The following OTOGL variants were observed in gnomAD, a reference collection of about 807,000 sequenced individuals.
OTOGL encodes the protein otogelin-like protein.
Under a neutral mutation model 318.5 loss-of-function variants are expected in OTOGL, and 285 were observed. The ratio of observed to expected loss-of-function variants is 0.89; its 90% CI spans 0.81 to 0.99. The LOEUF (loss-of-function observed/expected upper bound fraction) is 0.99. OTOGL is among the 50% of genes least tolerant of loss of function. OTOGL has a pLI of 0.00. For missense variants in OTOGL, 2,899 were observed against 2,845.6 expected (o/e 1.02, Z -0.43); for synonymous variants, 987 against 936.5 (o/e 1.05, Z -0.99).
chr12:80,369,143 C>T (rs751877589), intron 55 of OTOGL, among the ~76,000 whole-genome samples: 3 of 151,924 alleles, frequency 2.0e-5, no homozygotes, highest in Non-Finnish European at 4.4e-5. Context: ...ATAAATTTAA[C>T]TCATGAATTT....
At chr12:80,216,397 T>C (rs1877722463) in intron 4 of OTOGL, among the ~76,000 whole-genome samples, 1 of 152,224 alleles carries the variant, frequency 6.6e-6, no homozygotes, top group Non-Finnish European at 1.5e-5. Flanking sequence ...TGGTGAAATA[T>C]AAGTGCTATT....
chr12:80,324,312 G>A (rs1887543354), intron 35 of OTOGL, among the ~76,000 whole-genome samples: 1 of 152,200 alleles, frequency 6.6e-6, no homozygotes, highest in African/African-American at 2.4e-5. Flanking sequence ...CACTGGCCAG[G>A]TGGATATCTG....
At chr12:80,145,161 G>T (rs570197864) in intron 1 of OTOGL, among the ~76,000 whole-genome samples, 5 of 151,082 alleles carry the variant, frequency 3.3e-5, no homozygotes, top group Non-Finnish European at 7.4e-5. Flanking sequence ...TATTGCCTAG[G>T]TTTTCTTCTA....
chr12:80,307,264 C>CT (rs1323923594), intron 29 of OTOGL, among the ~76,000 whole-genome samples: 2 of 151,484 alleles, frequency 1.3e-5, no homozygotes, highest in Non-Finnish European at 2.9e-5. Context: ...ACCTTTCCCC[C>CT]CTTTCTATTC....
intron 18 of OTOGL, among the ~76,000 whole-genome samples, chr12:80,259,998 T>C (rs895505654): frequency 6.6e-6 from 1 of 151,976 alleles, no homozygotes; most frequent in Non-Finnish European, 1.5e-5. Context: ...CTATGAAAAT[T>C]TATTGTTTAT....
chr12:80,157,186 A>G (rs1873181058), intron 1 of OTOGL, among the ~76,000 whole-genome samples: 1 of 152,122 alleles, frequency 6.6e-6, no homozygotes, highest in Non-Finnish European at 1.5e-5. Context: ...TCCTCTGATG[A>G]TCAATGATAT....
chr12:80,149,997 C>T (rs1487841646), intron 1 of OTOGL, among the ~76,000 whole-genome samples: 3 of 152,174 alleles, frequency 2.0e-5, no homozygotes, highest in Non-Finnish European at 4.4e-5. Context: ...GATGGAAATG[C>T]AGAAATCACC....
intron 35 of OTOGL, among the ~76,000 whole-genome samples, chr12:80,327,718 G>A (rs1887769080): frequency 6.6e-6 from 1 of 151,534 alleles, no homozygotes; most frequent in African/African-American, 2.4e-5. Flanking sequence ...CCAGCACTTT[G>A]GGAAGCTGAG....
chr12:80,224,912 A>T (rs1878687731), intron 7 of OTOGL, among the ~76,000 whole-genome samples: 1 of 152,148 alleles, frequency 6.6e-6, no homozygotes, highest in Middle Eastern at 3.4e-3. Flanking sequence ...GATTGTTTGT[A>T]ACACAAAGGA....
intron 1 of OTOGL, among the ~76,000 whole-genome samples, chr12:80,167,591 AT>A (rs1456806985): frequency 6.6e-6 from 1 of 152,106 alleles, no homozygotes; most frequent in East Asian, 1.9e-4. Context: ...TAGAATTTTA[AT>A]TTTTTTCTTC....
At chr12:80,321,531 A>G (rs1887330989) in intron 34 of OTOGL, among the ~76,000 whole-genome samples, 1 of 152,192 alleles carries the variant, frequency 6.6e-6, no homozygotes, top group Admixed American at 6.5e-5. Context: ...CATATGTAAC[A>G]AATATGCACG....
intron 52 of OTOGL, among the ~76,000 whole-genome samples, chr12:80,360,528 C>T (rs1890179257): frequency 6.6e-6 from 1 of 151,252 alleles, no homozygotes. Flanking sequence ...TGTCACCAGG[C>T]TGGAGTGCAG....
chr12:80,186,089 T>A (rs1198479534), intron 1 of OTOGL, among the ~76,000 whole-genome samples: 4 of 152,216 alleles, frequency 2.6e-5, no homozygotes, highest in African/African-American at 9.6e-5. Flanking sequence ...ACCCTTCCTA[T>A]ATTTTTATCT....
At chr12:80,119,095 A>G (rs1362435459) in intron 1 of OTOGL, among the ~76,000 whole-genome samples, 1 of 152,192 alleles carries the variant, frequency 6.6e-6, no homozygotes, top group African/African-American at 2.4e-5. Context: ...GACAGTGGGA[A>G]GAAGAGAGGA....
At position 80,358,649 on chromosome 12, in the gene OTOGL, C is replaced by T. The variant is rs768846757; in HGVS notation, c.6122-22C>T. ...GGCAACTCTATAAAATTCATCTTTA[C>T]CCATGTAATTTTTCTTTTTAGTATG... On this transcript the variant is annotated intron_variant, in intron 50 of 58. Transcript: ENST00000547103. The T allele has an allele frequency of 3.3e-6, 5 of 1,537,826 alleles. No individual in the cohort carries two copies. In the Middle Eastern group the frequency reaches 5.1e-4, roughly 157 times the overall value.
intron 11 of OTOGL, among the ~76,000 whole-genome samples, chr12:80,245,096 T>C (rs1225818394): frequency 8.4e-6 from 1 of 118,390 alleles, no homozygotes; most frequent in Admixed American, 8.6e-5. Context: ...AAAAATTTTC[T>C]CCCATGTTGT....
chr12:80,359,892 C>T (rs1890132362), intron 52 of OTOGL, among the ~76,000 whole-genome samples: 1 of 152,092 alleles, frequency 6.6e-6, no homozygotes, highest in Non-Finnish European at 1.5e-5. Context: ...GAATCTTTAC[C>T]AAGTCAGCAC....
chr12:80,296,063 G>T (rs1885372930), intron 26 of OTOGL, among the ~76,000 whole-genome samples: 1 of 152,116 alleles, frequency 6.6e-6, no homozygotes, highest in Non-Finnish European at 1.5e-5. Context: ...AGAGTAGAGA[G>T]ACTAAATAGT....
chr12:80,275,786 C>T (rs928095460), intron 24 of OTOGL, among the ~76,000 whole-genome samples: 1 of 151,642 alleles, frequency 6.6e-6, no homozygotes, highest in African/African-American at 2.4e-5. Context: ...TGAAGCAAAA[C>T]CCTCCTTCAG....
Sources: gnomAD v4.1 joint callset for allele counts (sites outside exome capture counted in the v4.1 genomes callset) on GRCh38, gnomAD v4.1.1 for gene constraint, MANE v1.5 for transcripts, NCBI Gene and HGNC (gene_info 2026-07-23, HGNC 2026-07-21) for gene names.